LRRN1: variants seen among roughly 807,000 people sequenced by gnomAD.
LRRN1 encodes the protein leucine rich repeat neuronal 1.
A neutral mutation model predicts 45.8 loss-of-function variants in LRRN1; 14 were observed. That is an observed-to-expected ratio of 0.31 (90% CI 0.20 to 0.48). LRRN1 has a LOEUF of 0.48. Among genes scored for constraint, LRRN1 ranks in the 20% least tolerant of loss-of-function variants. LRRN1 has a pLI of 0.99. For missense variants in LRRN1, 789 were observed against 874.2 expected, an observed-to-expected ratio of 0.90 and a Z score of 1.23; for synonymous variants, 359 against 330.1, an observed-to-expected ratio of 1.09 and a Z score of -0.95.
intron 1 of LRRN1, among the ~76,000 whole-genome samples, chr3:3,819,128 T>C (rs1419297890): frequency 6.6e-6 from 1 of 152,006 alleles, no homozygotes; most frequent in African/African-American, 2.4e-5. Flanking sequence ...GGTAGGACTA[T>C]AGGCACACAC....
chr3:3,827,557 CATT>C (rs751165824), intron 1 of LRRN1: 11 of 455,016 alleles, frequency 2.4e-5, no homozygotes, highest in South Asian at 1.7e-4. Flanking sequence ...CCCATTTCCC[CATT>C]ATTCAAGCCA....
In LRRN1 at chr3:3,847,015, CTTATCA is replaced by C. The variant is rs1693794946; in HGVS notation, c.*228_*233del. ...TTCCAGTCTGTGTTTGGTTTTTATTCTTATCATTATTATGATTGTTATTATATTATT... is the reference window on the plus strand; with the variant it reads ...TTCCAGTCTGTGTTTGGTTTTTATTCTTATTATGATTGTTATTATATTATT... On this transcript the variant is annotated 3_prime_UTR_variant, in exon 2 of 2. Transcript: ENST00000319331. The C allele has an allele frequency of 2.5e-6, 1 of 398,214 alleles. No individual in the cohort carries two copies. Among genetic ancestry groups the C allele is most frequent in the African/African-American group, 2.1e-5 (1 of 48,124 alleles). 24.7% of individuals were successfully genotyped at this position (398,214 alleles called of 1,614,324 possible).
At chr3:3,839,807 T>C (rs1693608089) in intron 1 of LRRN1, among the ~76,000 whole-genome samples, 1 of 152,164 alleles carries the variant, frequency 6.6e-6, no homozygotes, top group Admixed American at 6.5e-5. Context: ...TATGGAAATA[T>C]AACTCATTTG....
intron 1 of LRRN1, among the ~76,000 whole-genome samples, chr3:3,813,326 A>T (rs1196095397): frequency 6.6e-6 from 1 of 152,188 alleles, no homozygotes; most frequent in South Asian, 2.1e-4. Flanking sequence ...TATGGTTCAT[A>T]ATATTAGATC....
intron 1 of LRRN1, among the ~76,000 whole-genome samples, chr3:3,824,338 G>T (rs1486675427): frequency 6.6e-6 from 1 of 152,050 alleles, no homozygotes; most frequent in Non-Finnish European, 1.5e-5. Context: ...AAAAATCTAT[G>T]CACTTCTTTC....
intron 1 of LRRN1, among the ~76,000 whole-genome samples, chr3:3,819,966 A>T (rs1045302167): frequency 6.6e-6 from 1 of 152,148 alleles, no homozygotes; most frequent in Non-Finnish European, 1.5e-5. Flanking sequence ...CTGGATTTTA[A>T]TCTCAAATCT....
intron 1 of LRRN1, among the ~76,000 whole-genome samples, chr3:3,838,092 G>A (rs1322469717): frequency 6.6e-6 from 1 of 151,966 alleles, no homozygotes; most frequent in African/African-American, 2.4e-5. Flanking sequence ...TCAGAAATAA[G>A]ACCACCCATC....
intron 1 of LRRN1, among the ~76,000 whole-genome samples, chr3:3,834,672 T>G (rs1693468237): frequency 6.7e-6 from 1 of 150,062 alleles, no homozygotes; most frequent in South Asian, 2.1e-4. Flanking sequence ...CACAATAGGC[T>G]ATCTGCCAGC....
intron 1 of LRRN1, among the ~76,000 whole-genome samples, chr3:3,817,006 A>T (rs1352238222): frequency 6.6e-6 from 1 of 152,188 alleles, no homozygotes; most frequent in East Asian, 1.9e-4. Flanking sequence ...GAGATTTATT[A>T]CAGGAATTAG....
chr3:3,828,445 C>T (rs1693279644), intron 1 of LRRN1, among the ~76,000 whole-genome samples: 1 of 151,866 alleles, frequency 6.6e-6, no homozygotes, highest in Non-Finnish European at 1.5e-5. Flanking sequence ...AAGGGTGGGT[C>T]TGCCTTCCCA....
chr3:3,828,535 C>T (rs1392571900), intron 1 of LRRN1, among the ~76,000 whole-genome samples: 1 of 152,076 alleles, frequency 6.6e-6, no homozygotes, highest in African/African-American at 2.4e-5. Flanking sequence ...TCAATCCAAT[C>T]AAGTTGACAG....
At chr3:3,821,710 G>A (rs1193554660) in intron 1 of LRRN1, among the ~76,000 whole-genome samples, 2 of 152,162 alleles carry the variant, frequency 1.3e-5, no homozygotes, top group African/African-American at 4.8e-5. Flanking sequence ...ACAAACAGTA[G>A]GATGGATTTT....
At chr3:3,820,815 C>T (rs911973093) in intron 1 of LRRN1, among the ~76,000 whole-genome samples, 1 of 152,194 alleles carries the variant, frequency 6.6e-6, no homozygotes, top group Non-Finnish European at 1.5e-5. Context: ...ATGAATAAAA[C>T]ATAACCTTGG....
At chr3:3,806,609 T>C (rs749889325) in intron 1 of LRRN1, among the ~76,000 whole-genome samples, 6 of 152,096 alleles carry the variant, frequency 3.9e-5, no homozygotes, top group Non-Finnish European at 7.4e-5. Flanking sequence ...AGAGAGAAAG[T>C]CGATAGCAAT....
chr3:3,835,993 A>G (rs1318072459), intron 1 of LRRN1, among the ~76,000 whole-genome samples: 3 of 152,108 alleles, frequency 2.0e-5, no homozygotes, highest in Non-Finnish European at 2.9e-5. Flanking sequence ...AAACTGCCAG[A>G]CTTCTTTGTG....
Position 3,849,095 on chromosome 3 carries a change from A to C in LRRN1, c.*2303A>C, listed in dbSNP as rs1693837431. Among the ~76,000 whole-genome samples the C allele has an allele frequency of 6.6e-6, 1 of 152,214 alleles. No individual in the cohort carries two copies. The highest frequency in any genetic ancestry group is 1.5e-5 in the Non-Finnish European group (1 of 68,036). On this transcript the variant is annotated 3_prime_UTR_variant, in exon 2 of 2. Coordinates refer to ENST00000319331, the MANE Select transcript of LRRN1 (RefSeq NM_020873.7). The stretch of plus-strand genomic sequence containing the variant: ...TTTCCTGTTCATCTGTGAACCATGA[A>C]AATGGATGGCACTGATGCATTAGAC...
chr3:3,834,531 T>TATATATATATATATATATATATATC (rs1559302608), intron 1 of LRRN1, among the ~76,000 whole-genome samples: 1 of 102,506 alleles, frequency 9.8e-6, no homozygotes, highest in South Asian at 3.3e-4. Flanking sequence ...ACAGGATATA[T>TATATATATATATATATATATATATC]ATATATATAT....
At chr3:3,829,729 G>T (rs1693323550) in intron 1 of LRRN1, among the ~76,000 whole-genome samples, 1 of 152,158 alleles carries the variant, frequency 6.6e-6, no homozygotes, top group Non-Finnish European at 1.5e-5. Flanking sequence ...GAGTGTCTTG[G>T]TCAGAGGCAA....
chr3:3,806,362 G>T (rs1435925524), intron 1 of LRRN1, among the ~76,000 whole-genome samples: 1 of 152,174 alleles, frequency 6.6e-6, no homozygotes, highest in Admixed American at 6.5e-5. Context: ...GCCAGCAGAG[G>T]CTTTAAGAAA....
Sources: gnomAD v4.1 joint callset for allele counts (sites outside exome capture counted in the v4.1 genomes callset) on GRCh38, gnomAD v4.1.1 for gene constraint, MANE v1.5 for transcripts, NCBI Gene and HGNC (gene_info 2026-07-23, HGNC 2026-07-21) for gene names.